PDE4D: variants seen among roughly 807,000 people sequenced by gnomAD.
PDE4D encodes 3',5'-cyclic-AMP phosphodiesterase 4D.
A neutral mutation model predicts 87.4 loss-of-function variants in PDE4D; 24 were observed. The ratio of observed to expected loss-of-function variants is 0.27; its 90% CI spans 0.20 to 0.39. The LOEUF (loss-of-function observed/expected upper bound fraction) is 0.39. Among genes scored for constraint, PDE4D ranks in the 10% least tolerant of loss-of-function variants. The pLI is 1.00. For synonymous variants in PDE4D, 384 were observed against 383.2 expected (o/e 1.00, Z -0.02); for missense variants, 714 against 1,041.0 (o/e 0.69, Z 4.32).
intron 3 of PDE4D, among the ~76,000 whole-genome samples, chr5:59,931,032 C>A (rs1323775282): frequency 7.9e-6 from 1 of 126,960 alleles, no homozygotes; most frequent in African/African-American, 2.5e-5. Context: ...TGAAAGCTTT[C>A]AAGGAAAACA....
chr5:60,359,754 CTG>C (rs1454502513), intron 1 of PDE4D, among the ~76,000 whole-genome samples: 1 of 152,192 alleles, frequency 6.6e-6, no homozygotes, highest in Non-Finnish European at 1.5e-5. Context: ...TGCACACTAT[CTG>C]TGCATTATCT....
At chr5:59,454,441 C>T (rs540480571) in intron 1 of PDE4D, among the ~76,000 whole-genome samples, 34 of 152,146 alleles carry the variant, frequency 2.2e-4, no homozygotes, top group Non-Finnish European at 3.2e-4. Context: ...CTTTGCCTGC[C>T]GCCATCCATG....
At chr5:59,539,567 G>A (rs954476188) in intron 1 of PDE4D, among the ~76,000 whole-genome samples, 1 of 151,800 alleles carries the variant, frequency 6.6e-6, no homozygotes, top group Non-Finnish European at 1.5e-5. Flanking sequence ...CTTTGAACTT[G>A]ATGAAGAAGC....
At chr5:59,338,276 T>A (rs1183111412) in intron 1 of PDE4D, among the ~76,000 whole-genome samples, 1 of 152,186 alleles carries the variant, frequency 6.6e-6, no homozygotes, top group Non-Finnish European at 1.5e-5. Context: ...GATCTCATGC[T>A]ATATGGCACA....
intron 1 of PDE4D, among the ~76,000 whole-genome samples, chr5:59,242,209 T>G (rs1466232402): frequency 6.6e-6 from 1 of 152,114 alleles, no homozygotes; most frequent in Non-Finnish European, 1.5e-5. Context: ...TGTGCTATGA[T>G]CAGACCTATG....
chr5:59,727,253 T>G (rs1352603747), intron 1 of PDE4D, among the ~76,000 whole-genome samples: 6 of 152,092 alleles, frequency 3.9e-5, no homozygotes, highest in African/African-American at 1.4e-4. Flanking sequence ...ATCAACAATG[T>G]TAGAAGTGGA....
intron 1 of PDE4D, among the ~76,000 whole-genome samples, chr5:60,363,518 C>G (rs1234568654): frequency 6.6e-6 from 1 of 152,148 alleles, no homozygotes; most frequent in Admixed American, 6.6e-5. Flanking sequence ...GTCCTTGATT[C>G]TGAAAATATA....
At chr5:59,253,139 TTTG>T (rs1466235307) in intron 1 of PDE4D, among the ~76,000 whole-genome samples, 1 of 152,156 alleles carries the variant, frequency 6.6e-6, no homozygotes, top group African/African-American at 2.4e-5. Flanking sequence ...CATAAAATTC[TTTG>T]TTAACTCTGT....
chr5:59,552,736 A>G (rs796901364), intron 1 of PDE4D, among the ~76,000 whole-genome samples: 4 of 152,274 alleles, frequency 2.6e-5, no homozygotes, highest in African/African-American at 9.6e-5. Context: ...GGATTCTGTG[A>G]CCAGATTTGA....
chr5:59,440,637 A>G (rs995162615), intron 1 of PDE4D, among the ~76,000 whole-genome samples: 3 of 152,210 alleles, frequency 2.0e-5, no homozygotes, highest in African/African-American at 7.2e-5. Flanking sequence ...TTAGCTGTGC[A>G]TAGTGGTGTA....
intron 1 of PDE4D, among the ~76,000 whole-genome samples, chr5:59,490,715 A>G (rs1374196399): frequency 6.6e-6 from 1 of 152,200 alleles, no homozygotes; most frequent in African/African-American, 2.4e-5. Context: ...ATTATAACCA[A>G]ATTTATCTTG....
chr5:60,172,118 T>TATATATAATATATATA (rs1783501974), intron 2 of PDE4D, among the ~76,000 whole-genome samples: 1 of 147,082 alleles, frequency 6.8e-6, no homozygotes, highest in African/African-American at 2.5e-5. Flanking sequence ...ATATATTATA[T>TATATATAATATATATA]TATATATATA....
chr5:60,452,562 A>G (rs538623033), intron 1 of PDE4D, among the ~76,000 whole-genome samples: 1 of 152,108 alleles, frequency 6.6e-6, no homozygotes, highest in African/African-American at 2.4e-5. Flanking sequence ...CTGTCCTCAA[A>G]GAGTTTAAAA....
chr5:60,125,553 T>C (rs1278426625), intron 2 of PDE4D, among the ~76,000 whole-genome samples: 1 of 152,096 alleles, frequency 6.6e-6, no homozygotes, highest in Non-Finnish European at 1.5e-5. Context: ...ATAGCTGTAC[T>C]CCTGCAGAAA....
chr5:59,069,218 C>A (rs1004608179), intron 5 of PDE4D, among the ~76,000 whole-genome samples: 4 of 152,146 alleles, frequency 2.6e-5, no homozygotes, highest in Non-Finnish European at 4.4e-5. Flanking sequence ...ATTCCCCATA[C>A]CATGGAAACA....
intron 1 of PDE4D, among the ~76,000 whole-genome samples, chr5:59,569,166 A>G (rs1821412200): frequency 6.6e-6 from 1 of 152,196 alleles, no homozygotes; most frequent in South Asian, 2.1e-4. Context: ...CCCAAAATAC[A>G]AACTCTTCTT....
intron 1 of PDE4D, among the ~76,000 whole-genome samples, chr5:60,334,672 C>T (rs1416716145): frequency 1.3e-5 from 2 of 151,822 alleles, no homozygotes; most frequent in African/African-American, 4.8e-5. Flanking sequence ...AAGCCACTGC[C>T]CCCGAGAGCT....
At chr5:59,922,380 A>G (rs1754768678) in intron 3 of PDE4D, among the ~76,000 whole-genome samples, 1 of 151,890 alleles carries the variant, frequency 6.6e-6, no homozygotes, top group African/African-American at 2.4e-5. Context: ...GGGCAGCCAA[A>G]GGAGTGCTTG....
intron 1 of PDE4D, among the ~76,000 whole-genome samples, chr5:59,666,264 C>T (rs1435838951): frequency 6.6e-6 from 1 of 152,104 alleles, no homozygotes; most frequent in African/African-American, 2.4e-5. Context: ...CCCAGCCATG[C>T]TACAGAGTTT....
Sources: allele counts gnomAD v4.1 joint callset (sites outside exome capture counted in the v4.1 genomes callset), GRCh38; gene constraint gnomAD v4.1.1; transcripts MANE v1.5; gene names NCBI Gene and HGNC (gene_info 2026-07-23, HGNC 2026-07-21).